The following CACNA1E variants were observed in gnomAD, a reference collection of about 807,000 sequenced individuals.
CACNA1E encodes the protein calcium voltage-gated channel subunit alpha1 E, also known as voltage-dependent R-type calcium channel subunit alpha-1E.
In CACNA1E, 40 loss-of-function variants were observed where a neutral mutation model predicts 259.2. The ratio of observed to expected loss-of-function variants is 0.15; its 90% confidence interval spans 0.12 to 0.20. The LOEUF (loss-of-function observed/expected upper bound fraction) is 0.20. Ranked by LOEUF, CACNA1E falls within the 10% of genes least tolerant of loss-of-function variation. The pLI is 1.00. For missense variants in CACNA1E, 1,874 were observed against 3,040.1 expected (o/e 0.62, Z 9.02); for synonymous variants, 1,104 against 1,138.5 (o/e 0.97, Z 0.61).
intron 7 of CACNA1E, among the ~76,000 whole-genome samples, chr1:181,678,592 A>G (rs1018329216): frequency 2.6e-5 from 4 of 152,198 alleles, no homozygotes; most frequent in Non-Finnish European, 5.9e-5. Context: ...GGATTTGAAA[A>G]GGCTGGGGTA....
intron 22 of CACNA1E, 83 bp from the exon 23 acceptor site, chr1:181,737,441 GC>G: frequency 1.3e-6 from 2 of 1,507,268 alleles, no homozygotes; most frequent in Non-Finnish European, 1.8e-6. Context: ...TCTGGAAGGG[GC>G]CAATATGTGT....
intron 6 of CACNA1E, among the ~76,000 whole-genome samples, chr1:181,582,787 C>G (rs1411101103): frequency 6.6e-6 from 1 of 152,196 alleles, no homozygotes; most frequent in Non-Finnish European, 1.5e-5. Flanking sequence ...TCAAATCCCT[C>G]TCTCCCCAGT....
chr1:181,782,566 C>T (rs1660515349), intron 39 of CACNA1E, among the ~76,000 whole-genome samples: 1 of 152,230 alleles, frequency 6.6e-6, no homozygotes, highest in African/African-American at 2.4e-5. Flanking sequence ...CATGTGGCAT[C>T]AGCTTTAGGC....
chr1:181,382,665 G>T (rs147123674), intron 1 of CACNA1E, among the ~76,000 whole-genome samples: 9 of 152,290 alleles, frequency 5.9e-5, no homozygotes, highest in Admixed American at 1.3e-4. Flanking sequence ...TTTCCACTCT[G>T]CTCTGTACAA....
At chr1:181,598,828 C>A (rs1653453430) in intron 6 of CACNA1E, among the ~76,000 whole-genome samples, 1 of 151,980 alleles carries the variant, frequency 6.6e-6, no homozygotes, top group African/African-American at 2.4e-5. Context: ...TTCTGTCTTA[C>A]TTCACGCCCT....
intron 2 of CACNA1E, among the ~76,000 whole-genome samples, chr1:181,415,751 C>T (rs906203877): frequency 9.2e-5 from 14 of 152,062 alleles, no homozygotes; most frequent in African/African-American, 2.9e-4. Context: ...AGTGATGTTG[C>T]CCCATCCTTC....
At chr1:181,603,185 C>T (rs1177677976) in intron 6 of CACNA1E, among the ~76,000 whole-genome samples, 2 of 152,180 alleles carry the variant, frequency 1.3e-5, no homozygotes, top group Admixed American at 6.5e-5. Flanking sequence ...GGAATGATAG[C>T]AAACATTCAC....
chr1:181,634,743 C>T (rs1657052570), intron 6 of CACNA1E, among the ~76,000 whole-genome samples: 1 of 152,248 alleles, frequency 6.6e-6, no homozygotes, highest in South Asian at 2.1e-4. Flanking sequence ...TCATTATCCA[C>T]AGAGGCAGGA....
At chr1:181,461,866 A>G (rs1177636922) in intron 2 of CACNA1E, among the ~76,000 whole-genome samples, 3 of 152,200 alleles carry the variant, frequency 2.0e-5, no homozygotes, top group African/African-American at 7.2e-5. Context: ...CCGTAATGCC[A>G]TCATGTACAA....
Position 181,798,907 on chromosome 1 carries a change from C to T in CACNA1E, c.*73C>T, listed in dbSNP as rs1009059695. The T allele has an allele frequency of 1.6e-5, 22 of 1,350,618 alleles. No homozygotes were observed. Among genetic ancestry groups the T allele is most frequent in the South Asian group, 3.4e-5 (2 of 58,900 alleles). The allele number at this position is 1,350,618 out of a possible 1,614,324, so 83.7% of individuals were successfully genotyped here. A position where few individuals can be genotyped will look rare whatever the true frequency, so the allele number is the denominator to read the frequency against. On this transcript the variant is annotated 3_prime_UTR_variant, in exon 48 of 48. Coordinates refer to ENST00000367573, the MANE Select transcript of CACNA1E (RefSeq NM_001205293.3). This position sits in a 1 kb window ranked among gnomAD's most constrained non-coding sequence, Gnocchi z 4.2. Reference sequence around the variant, plus strand: ...CCAAGACAGAATTGGGAAGCCAGTGCGGCCCGGGGGGGAGGAAGAGGGAAA... The same window carrying T: ...CCAAGACAGAATTGGGAAGCCAGTGTGGCCCGGGGGGGAGGAAGAGGGAAA...
intron 1 of CACNA1E, among the ~76,000 whole-genome samples, chr1:181,387,961 T>C (rs1360975668): frequency 2.0e-5 from 3 of 152,146 alleles, no homozygotes; most frequent in Non-Finnish European, 2.9e-5. Context: ...ACCTTCCCCC[T>C]TGGGACCCTA....
chr1:181,786,700 A>G (rs2102851734), intron 43 of CACNA1E, among the ~76,000 whole-genome samples: 1 of 152,218 alleles, frequency 6.6e-6, no homozygotes, highest in East Asian at 1.9e-4. Context: ...CTCAATGTAA[A>G]TGAGCTTTTG....
chr1:181,325,070 C>T lies in CACNA1E; in HGVS notation c.-15+6947C>T, dbSNP rs185291911. Among the ~76,000 whole-genome samples the T allele has an allele frequency of 2.1e-3, 324 of 152,276 alleles. 2 individuals are homozygous for T. Among genetic ancestry groups the T allele is most frequent in the Middle Eastern group, 6.8e-3 (2 of 294 alleles). On this transcript the variant is annotated intron_variant, in intron 1 of 11. Transcript: ENST00000524607. ...TCAGAGGGGCTCTCAGTCCACTCTG[C>T]GGACTGCTGACTGAGACTTTGCAGA...
intron 6 of CACNA1E, 45 bp downstream of exon 6, chr1:181,580,821 T>G: frequency 6.4e-7 from 1 of 1,574,344 alleles, no homozygotes; most frequent in Non-Finnish European, 8.7e-7. Flanking sequence ...GGAAGAACCC[T>G]GGATGGAGGC....
intron 1 of CACNA1E, among the ~76,000 whole-genome samples, chr1:181,342,760 A>C (rs1299244025): frequency 6.6e-6 from 1 of 152,184 alleles, no homozygotes; most frequent in African/African-American, 2.4e-5. Flanking sequence ...TTGGCAGAGA[A>C]AGAGGACCAC....
chr1:181,600,458 C>A (rs1019496979), intron 6 of CACNA1E, among the ~76,000 whole-genome samples: 1 of 152,166 alleles, frequency 6.6e-6, no homozygotes, highest in Non-Finnish European at 1.5e-5. Flanking sequence ...TGGAGGCGGG[C>A]AGCTGGCAGT....
chr1:181,682,132 A>G (rs1388352670), intron 7 of CACNA1E, among the ~76,000 whole-genome samples: 1 of 152,200 alleles, frequency 6.6e-6, no homozygotes, highest in Non-Finnish European at 1.5e-5. Flanking sequence ...GTTAATGACT[A>G]TCCGATTAAC....
intron 1 of CACNA1E, among the ~76,000 whole-genome samples, chr1:181,399,532 G>T (rs1656933079): frequency 6.6e-6 from 1 of 152,220 alleles, no homozygotes; most frequent in South Asian, 2.1e-4. Flanking sequence ...TGGAATAGTT[G>T]CTTGGGTGGT....
rs1015351912 is a variant in CACNA1E at position 181,485,684 on chromosome 1, G to A, written c.266+1674G>A. Among the ~76,000 whole-genome samples, 1 of 152,232 alleles carries A rather than the reference G, an allele frequency of 6.6e-6. No homozygotes were observed. Among genetic ancestry groups the A allele is most frequent in the Non-Finnish European group, 1.5e-5 (1 of 68,042 alleles). Reference sequence around the variant, plus strand: ...CAAAGCGGACAGATCTCATTGTGTTGTGTGCTGCGGCTGCAAATATTCCTC... The same window carrying A: ...CAAAGCGGACAGATCTCATTGTGTTATGTGCTGCGGCTGCAAATATTCCTC... On this transcript the variant is annotated intron_variant, in intron 1 of 47. Coordinates refer to ENST00000367573, the MANE Select transcript of CACNA1E (RefSeq NM_001205293.3). This position sits in a 1 kb window ranked among gnomAD's most constrained non-coding sequence, Gnocchi z 4.2.
Sources: allele counts gnomAD v4.1 joint callset (sites outside exome capture counted in the v4.1 genomes callset), GRCh38; gene constraint gnomAD v4.1.1; non-coding constraint Gnocchi (gnomAD v3.1); transcripts MANE v1.5; gene names NCBI Gene and HGNC (gene_info 2026-07-23, HGNC 2026-07-21).